The following CADM2 variants were observed in gnomAD, a reference collection of about 807,000 sequenced individuals.
CADM2 encodes the protein cell adhesion molecule 2.
In CADM2, 12 loss-of-function variants were observed where a neutral mutation model predicts 49.8. That is an observed-to-expected ratio of 0.24 (90% CI 0.15 to 0.39). CADM2 has a LOEUF of 0.39. Among genes scored for constraint, CADM2 ranks in the 10% least tolerant of loss-of-function variants. The probability of loss-of-function intolerance (pLI) is 1.00; values close to 1 mark genes in which losing one functional copy is unlikely to be tolerated. For missense variants in CADM2, 378 were observed against 492.3 expected (o/e 0.77, Z 2.20); for synonymous variants, 214 against 175.4 (o/e 1.22, Z -1.74).
chr3:85,702,425 A>G (rs2066809396), intron 1 of CADM2, among the ~76,000 whole-genome samples: 2 of 152,138 alleles, frequency 1.3e-5, no homozygotes, highest in African/African-American at 4.8e-5. Context: ...GAAGGCTTAA[A>G]AAATGATTGT....
At chr3:85,714,868 T>C (rs539387431) in intron 1 of CADM2, among the ~76,000 whole-genome samples, 35 of 152,286 alleles carry the variant, frequency 2.3e-4, no homozygotes, top group African/African-American at 6.7e-4. Context: ...CAATGAGTAC[T>C]AGTCATCCAT....
chr3:86,046,852 A>G (rs945637789), intron 8 of CADM2, among the ~76,000 whole-genome samples: 4 of 151,586 alleles, frequency 2.6e-5, no homozygotes, highest in South Asian at 2.1e-4. Context: ...AAACAGAAAT[A>G]TCTTGGTGAT....
chr3:85,241,299 A>T (rs2042524379), intron 1 of CADM2, among the ~76,000 whole-genome samples: 1 of 151,556 alleles, frequency 6.6e-6, no homozygotes, highest in Non-Finnish European at 1.5e-5. Context: ...TAGGACATTC[A>T]TTGTAGAGAA....
intron 8 of CADM2, among the ~76,000 whole-genome samples, chr3:85,962,702 T>C (rs1292483503): frequency 6.6e-6 from 1 of 151,936 alleles, no homozygotes; most frequent in East Asian, 2.0e-4. Context: ...TTATTGTATA[T>C]GTCAGGGTGC....
chr3:84,997,866 A>G (rs17791224), intron 1 of CADM2, among the ~76,000 whole-genome samples: 13,703 of 152,188 alleles, frequency 0.09, 833 homozygotes, highest in Non-Finnish European at 0.14. Context: ...CACTATCAAT[A>G]TAAGAAAGCT....
chr3:85,736,536 T>C (rs1179228314), intron 2 of CADM2, among the ~76,000 whole-genome samples: 1 of 152,150 alleles, frequency 6.6e-6, no homozygotes. Context: ...AAGTAGAGTT[T>C]CTGGAGAACA....
At chr3:85,646,839 A>G (rs1362462180) in intron 1 of CADM2, among the ~76,000 whole-genome samples, 1 of 151,892 alleles carries the variant, frequency 6.6e-6, no homozygotes, top group African/African-American at 2.4e-5. Flanking sequence ...TGATCAATCT[A>G]ATCTATTTTG....
intron 3 of CADM2, among the ~76,000 whole-genome samples, chr3:85,864,208 A>G (rs2075640611): frequency 6.6e-6 from 1 of 152,186 alleles, no homozygotes. Flanking sequence ...GATAGTTATA[A>G]GCTTTTCCTC....
At chr3:85,182,846 A>G (rs112941535) in intron 1 of CADM2, among the ~76,000 whole-genome samples, 4 of 152,018 alleles carry the variant, frequency 2.6e-5, no homozygotes, top group African/African-American at 9.7e-5. Flanking sequence ...TAAAATTCTC[A>G]TTTTTAATCT....
At chr3:85,529,188 G>A (rs1017937314) in intron 1 of CADM2, among the ~76,000 whole-genome samples, 48 of 152,188 alleles carry the variant, frequency 3.2e-4, no homozygotes, top group African/African-American at 1.2e-3. Flanking sequence ...GAGAACTTAA[G>A]TCTAAACCTG....
At chr3:86,042,123 G>A (rs917877415) in intron 8 of CADM2, among the ~76,000 whole-genome samples, 1 of 152,142 alleles carries the variant, frequency 6.6e-6, no homozygotes, top group Non-Finnish European at 1.5e-5. Context: ...ACAGGAGAAA[G>A]CAGGAAAGAT....
At chr3:85,187,033 T>G (rs2041081796) in intron 1 of CADM2, among the ~76,000 whole-genome samples, 1 of 152,094 alleles carries the variant, frequency 6.6e-6, no homozygotes, top group African/African-American at 2.4e-5. Flanking sequence ...CCTCAGGCAC[T>G]GGACTGGGGT....
intron 1 of CADM2, among the ~76,000 whole-genome samples, chr3:85,659,204 G>A (rs146802572): frequency 1.3e-3 from 191 of 151,848 alleles, no homozygotes; most frequent in African/African-American, 4.4e-3. Flanking sequence ...ATAATTGACA[G>A]CCTCATCGTA....
intron 1 of CADM2, among the ~76,000 whole-genome samples, chr3:85,028,631 A>G (rs1339566825): frequency 1.3e-5 from 2 of 152,082 alleles, no homozygotes; most frequent in Non-Finnish European, 2.9e-5. Flanking sequence ...AATATATTTC[A>G]GTATATACAA....
At chr3:85,352,738 A>G (rs906961906) in intron 1 of CADM2, among the ~76,000 whole-genome samples, 4 of 152,152 alleles carry the variant, frequency 2.6e-5, no homozygotes, top group Non-Finnish European at 5.9e-5. Flanking sequence ...GTTAAAAAGA[A>G]AATCACTTTC....
At chr3:85,683,320 C>T (rs1040957011) in intron 1 of CADM2, among the ~76,000 whole-genome samples, 9 of 152,088 alleles carry the variant, frequency 5.9e-5, no homozygotes, top group African/African-American at 2.2e-4. Context: ...ATTACCCTAA[C>T]ACGATATTGT....
chr3:86,014,519 A>C, intron 8 of CADM2: 1 of 1,568,504 alleles, frequency 6.4e-7, no homozygotes, highest in Middle Eastern at 2.4e-4. Context: ...GTGTTCACCA[A>C]GGTAACTTGG....
chr3:85,364,073 C>T (rs1480232619), intron 1 of CADM2, among the ~76,000 whole-genome samples: 1 of 152,156 alleles, frequency 6.6e-6, no homozygotes, highest in Non-Finnish European at 1.5e-5. Flanking sequence ...ATAACCCCTC[C>T]ACTAAAATGG....
chr3:84,980,600 A>T (rs534952297), intron 1 of CADM2, among the ~76,000 whole-genome samples: 2 of 152,128 alleles, frequency 1.3e-5, no homozygotes, highest in African/African-American at 2.4e-5. Flanking sequence ...GTTATCTGCA[A>T]TTGGAGGAAT....
Sources: allele counts gnomAD v4.1 joint callset (sites outside exome capture counted in the v4.1 genomes callset), GRCh38; gene constraint gnomAD v4.1.1; transcripts MANE v1.5; gene names NCBI Gene and HGNC (gene_info 2026-07-23, HGNC 2026-07-21).